Variants in CRACD observed in about 807,000 individuals in gnomAD.
CRACD encodes the protein capping protein inhibiting regulator of actin dynamics.
A neutral mutation model predicts 106.8 loss-of-function variants in CRACD; 56 were observed. The ratio of observed to expected loss-of-function variants is 0.52; its 90% confidence interval spans 0.42 to 0.66. The LOEUF is 0.66. Among genes scored for constraint, CRACD ranks in the 30% least tolerant of loss-of-function variants. The pLI, the probability that CRACD is intolerant of heterozygous loss-of-function variation, is 0.00. For missense variants in CRACD, 1,730 were observed against 1,623.2 expected, an observed-to-expected ratio of 1.07 and a Z score of -1.13; for synonymous variants, 754 against 670.8, an observed-to-expected ratio of 1.12 and a Z score of -1.92.
chr4:56,106,646 G>A (rs892337297), intron 1 of CRACD, among the ~76,000 whole-genome samples: 4 of 152,132 alleles, frequency 2.6e-5, no homozygotes, highest in Admixed American at 6.6e-5. Context: ...ATAGCAGACC[G>A]GCTTATCTGA....
chr4:56,064,589 C>T (rs1195239185), intron 1 of CRACD, among the ~76,000 whole-genome samples: 1 of 152,194 alleles, frequency 6.6e-6, no homozygotes, highest in African/African-American at 2.4e-5. Context: ...CCCACCTTCT[C>T]TGGGAACTGT....
At chr4:56,068,930 G>A (rs924135058) in intron 1 of CRACD, among the ~76,000 whole-genome samples, 2 of 152,092 alleles carry the variant, frequency 1.3e-5, no homozygotes, top group African/African-American at 4.8e-5. Flanking sequence ...AAACATCTTG[G>A]GATGGAATCA....
intron 1 of CRACD, chr4:56,170,324 A>G (rs1736312237): frequency 1.3e-5 from 2 of 152,340 alleles, no homozygotes; most frequent in Non-Finnish European, 2.9e-5. Flanking sequence ...AGTGGGAACC[A>G]TGAATCACAG....
chr4:56,077,756 G>A (rs1276959570), intron 1 of CRACD, among the ~76,000 whole-genome samples: 1 of 152,162 alleles, frequency 6.6e-6, no homozygotes, highest in Non-Finnish European at 1.5e-5. Flanking sequence ...AGAAAGAAAG[G>A]TTTTTACTCT....
Position 56,095,935 on chromosome 4 carries a change from A to T in CRACD, c.-336+46636A>T, listed in dbSNP as rs11936227. Among the ~76,000 whole-genome samples the T allele has an allele frequency of 3.9e-3, 594 of 152,328 alleles. 4 individuals carry two copies. Among genetic ancestry groups the T allele is most frequent in the African/African-American group, 0.014 (572 of 41,580 alleles). Reference sequence around the variant, plus strand: ...TCATATTTTCAAAGATAGAACCAACAGGATTTGATGAAGGATTGGATGTGG... The same window carrying T: ...TCATATTTTCAAAGATAGAACCAACTGGATTTGATGAAGGATTGGATGTGG... On this transcript the variant is annotated intron_variant, in intron 1 of 10. Transcript: ENST00000682029.
chr4:56,288,339 C>T (rs987830153), intron 3 of CRACD: 16 of 306,252 alleles, frequency 5.2e-5, no homozygotes, highest in African/African-American at 3.5e-4. Flanking sequence ...AATCCAGTCA[C>T]CCAGATAGTG....
intron 2 of CRACD, among the ~76,000 whole-genome samples, chr4:56,232,919 G>T (rs1346621675): frequency 6.6e-6 from 1 of 151,620 alleles, no homozygotes; most frequent in Non-Finnish European, 1.5e-5. Flanking sequence ...AGTACAGACG[G>T]GGTTTCACCA....
intron 1 of CRACD, among the ~76,000 whole-genome samples, chr4:56,177,271 A>T (rs1020142241): frequency 1.3e-5 from 2 of 152,230 alleles, no homozygotes; most frequent in African/African-American, 2.4e-5. Context: ...TTTTTATCAT[A>T]AAGCAATGTT....
intron 1 of CRACD, among the ~76,000 whole-genome samples, chr4:56,173,143 A>G (rs1044382904): frequency 6.6e-6 from 1 of 152,216 alleles, no homozygotes; most frequent in Non-Finnish European, 1.5e-5. Context: ...GACCCCACAG[A>G]TCGCAGGAGC....
chr4:56,226,229 A>G (rs1005784358), intron 2 of CRACD, among the ~76,000 whole-genome samples: 3 of 152,166 alleles, frequency 2.0e-5, no homozygotes, highest in Admixed American at 6.5e-5. Flanking sequence ...GGCACGTTAT[A>G]AATATTTGAT....
chr4:56,249,484 C>G (rs567051316), intron 2 of CRACD, among the ~76,000 whole-genome samples: 5 of 151,276 alleles, frequency 3.3e-5, no homozygotes, highest in Non-Finnish European at 2.9e-5. Flanking sequence ...AGCCCTTTGT[C>G]AGATGAGTAG....
At chr4:56,180,028 A>T (rs562870185) in intron 2 of CRACD, among the ~76,000 whole-genome samples, 24 of 152,072 alleles carry the variant, frequency 1.6e-4, no homozygotes, top group African/African-American at 5.3e-4. Context: ...AAAAAAAAAA[A>T]TGGTTATCAT....
chr4:56,103,407 G>C (rs1733844498), intron 1 of CRACD, among the ~76,000 whole-genome samples: 1 of 152,174 alleles, frequency 6.6e-6, no homozygotes, highest in Non-Finnish European at 1.5e-5. Flanking sequence ...TTTGACACCA[G>C]CCTGAGAAAC....
chr4:56,307,968 G>A (rs9993277), intron 5 of CRACD, among the ~76,000 whole-genome samples: 40,826 of 152,076 alleles, frequency 0.27, 5,909 homozygotes, highest in Middle Eastern at 0.35. Flanking sequence ...CTGGGAAGCC[G>A]TACCTGGCCT....
chr4:56,115,462 A>G (rs1734247617), intron 1 of CRACD, among the ~76,000 whole-genome samples: 1 of 152,210 alleles, frequency 6.6e-6, no homozygotes, highest in Non-Finnish European at 1.5e-5. Flanking sequence ...CTAAAAGCAA[A>G]GCCATTATAT....
At chr4:56,215,146 A>T (rs1738614642) in intron 2 of CRACD, among the ~76,000 whole-genome samples, 1 of 152,152 alleles carries the variant, frequency 6.6e-6, no homozygotes, top group Admixed American at 6.5e-5. Context: ...AGTAGCTAGG[A>T]CCACAAGCAC....
At chr4:56,235,081 CA>C (rs1437166873) in intron 2 of CRACD, among the ~76,000 whole-genome samples, 3 of 152,132 alleles carry the variant, frequency 2.0e-5, no homozygotes, top group Non-Finnish European at 2.9e-5. Context: ...AACGTGTCTA[CA>C]AACTATGGAT....
chr4:56,143,064 C>T lies in CRACD; in HGVS notation c.-335-36220C>T, dbSNP rs555243160. On this transcript the variant is annotated intron_variant, in intron 1 of 10. Transcript: ENST00000682029. ...AGAAAAAATTTTAGAACTATAATATCTAATTCTAGACATAAAAATTGTTTG... is the reference window on the plus strand; with the variant it reads ...AGAAAAAATTTTAGAACTATAATATTTAATTCTAGACATAAAAATTGTTTG... Among the ~76,000 whole-genome samples the T allele has an allele frequency of 1.0e-3, 158 of 151,450 alleles. 1 individual carries two copies. Among genetic ancestry groups the T allele is most frequent in the Non-Finnish European group, 1.7e-3 (117 of 67,876 alleles).
chr4:56,263,036 G>C (rs1414598120), intron 2 of CRACD, among the ~76,000 whole-genome samples: 1 of 152,148 alleles, frequency 6.6e-6, no homozygotes, highest in East Asian at 1.9e-4. Flanking sequence ...GACACACAAG[G>C]CACAGTCCCT....
Sources: allele counts gnomAD v4.1 joint callset (sites outside exome capture counted in the v4.1 genomes callset), GRCh38; gene constraint gnomAD v4.1.1; transcripts MANE v1.5; gene names NCBI Gene and HGNC (gene_info 2026-07-23, HGNC 2026-07-21).